The following PPP1R3A variants were observed in gnomAD, a reference collection of about 807,000 sequenced individuals.
PPP1R3A encodes the protein RG1.
A neutral mutation model predicts 41.7 loss-of-function variants in PPP1R3A; 29 were observed. The ratio of observed to expected loss-of-function variants is 0.70; its 90% CI spans 0.52 to 0.95. PPP1R3A has a LOEUF of 0.95. PPP1R3A is among the 40% of genes least tolerant of loss of function. The pLI is 0.00. For missense variants in PPP1R3A, 1,352 were observed against 1,292.4 expected (o/e 1.05, Z -0.71); for synonymous variants, 485 against 453.4 (o/e 1.07, Z -0.89).
chr7:113,883,854 A>G (rs543009217), intron 1 of PPP1R3A, among the ~76,000 whole-genome samples: 1 of 152,052 alleles, frequency 6.6e-6, no homozygotes, highest in South Asian at 2.1e-4. Context: ...CTCTAATTCA[A>G]TTCTCTAATA....
chr7:113,911,878 A>G (rs968652421), intron 1 of PPP1R3A, among the ~76,000 whole-genome samples: 5 of 152,090 alleles, frequency 3.3e-5, no homozygotes, highest in Non-Finnish European at 7.4e-5. Flanking sequence ...TTTATCACCA[A>G]TGTCATTAAT....
At position 113,878,987 on chromosome 7, in the gene PPP1R3A, A is replaced by C; in HGVS notation, c.2105T>G (p.Leu702Trp). ...TRSLKATTEELFTCQETVCCE... is the reference protein window; with the variant it reads ...TRSLKATTEEWFTCQETVCCE... The stretch of plus-strand genomic sequence containing the variant: ...GCACACTGTTTCTTGGCAGGTAAAC[A>C]ATTCTTCTGTAGTAGCTTTCAAACT... Residue 702 changes from leucine (L) to tryptophan (W), a missense_variant, in exon 4 of 4, where the codon TTG (leucine) becomes TGG (tryptophan). Coordinates refer to ENST00000284601, the MANE Select transcript of PPP1R3A (RefSeq NM_002711.4). The C allele has an allele frequency of 6.2e-7, 1 of 1,613,456 alleles. No individual in the cohort carries two copies. The highest frequency in any genetic ancestry group is 8.5e-7 in the Non-Finnish European group (1 of 1,179,816).
intron 1 of PPP1R3A, among the ~76,000 whole-genome samples, chr7:113,895,207 T>C (rs146378083): frequency 1.5e-3 from 221 of 152,098 alleles, no homozygotes; most frequent in African/African-American, 4.4e-3. Context: ...TGACAAAGAA[T>C]TTCAAATGTG....
In PPP1R3A at chr7:113,879,750, T is replaced by G. The variant is rs1253621575; in HGVS notation, c.1342A>C (p.Asn448His). Residue 448 changes from asparagine to histidine, a missense_variant, in exon 4 of 4, where the codon AAT (asparagine) becomes CAT (histidine). Transcript: ENST00000284601. ...LDDNANPAHG[N>H]GTVQIPCPSS... Reference sequence around the variant, plus strand: ...GGGCAAGGTATTTGCACTGTGCCATTGCCATGGGCTGGATTAGCATTATCA... The same window carrying G: ...GGGCAAGGTATTTGCACTGTGCCATGGCCATGGGCTGGATTAGCATTATCA... The G allele has an allele frequency of 6.2e-7, 1 of 1,613,386 alleles. No homozygotes were observed. Among genetic ancestry groups the G allele is most frequent in the Non-Finnish European group, 8.5e-7 (1 of 1,179,690 alleles).
intron 1 of PPP1R3A, among the ~76,000 whole-genome samples, chr7:113,897,033 ATGG>A (rs1268186244): frequency 6.6e-6 from 1 of 151,902 alleles, no homozygotes; most frequent in East Asian, 1.9e-4. Flanking sequence ...AAAATATGTT[ATGG>A]TATAACTTTT....
At chr7:113,911,189 T>C (rs1797238455) in intron 1 of PPP1R3A, among the ~76,000 whole-genome samples, 1 of 152,086 alleles carries the variant, frequency 6.6e-6, no homozygotes, top group South Asian at 2.1e-4. Flanking sequence ...TGTTTTCATC[T>C]TTTTATCATA....
intron 1 of PPP1R3A, among the ~76,000 whole-genome samples, chr7:113,883,517 A>G (rs1366496880): frequency 6.6e-6 from 1 of 151,978 alleles, no homozygotes; most frequent in Admixed American, 6.6e-5. Context: ...TAGTGGGCCC[A>G]CATATAGAAA....
At chr7:113,903,106 C>T (rs1348281793) in intron 1 of PPP1R3A, among the ~76,000 whole-genome samples, 1 of 151,682 alleles carries the variant, frequency 6.6e-6, no homozygotes, top group African/African-American at 2.4e-5. Context: ...CAGAAGAAAC[C>T]ATAGTAGAGT....
chr7:113,883,494 C>T (rs1796731329), intron 1 of PPP1R3A, among the ~76,000 whole-genome samples: 1 of 151,828 alleles, frequency 6.6e-6, no homozygotes, highest in Non-Finnish European at 1.5e-5. Flanking sequence ...TTACTAAAAA[C>T]ATTTGGTATT....
intron 1 of PPP1R3A, 109 bp downstream of exon 1, chr7:113,918,106 G>T: frequency 9.2e-7 from 1 of 1,082,094 alleles, no homozygotes; most frequent in Non-Finnish European, 1.3e-6. Context: ...TTTTTACATA[G>T]CAAGCAGTAT....
intron 1 of PPP1R3A, among the ~76,000 whole-genome samples, chr7:113,903,919 T>A (rs574072817): frequency 6.6e-6 from 1 of 151,838 alleles, no homozygotes; most frequent in East Asian, 2.0e-4. Context: ...TGTTCTTCTG[T>A]TCCTTCTCCA....
chr7:113,913,743 G>C (rs957396962), intron 1 of PPP1R3A, among the ~76,000 whole-genome samples: 1 of 152,138 alleles, frequency 6.6e-6, no homozygotes, highest in African/African-American at 2.4e-5. Context: ...AGGCCAGTAA[G>C]TACACAGTGT....
intron 1 of PPP1R3A, among the ~76,000 whole-genome samples, chr7:113,905,293 G>A (rs1797127340): frequency 6.6e-6 from 1 of 151,482 alleles, no homozygotes; most frequent in African/African-American, 2.4e-5. Flanking sequence ...GTTATAATAT[G>A]CCTGATAGTA....
intron 1 of PPP1R3A, among the ~76,000 whole-genome samples, chr7:113,887,507 A>G (rs1796805368): frequency 1.3e-5 from 2 of 152,118 alleles, no homozygotes; most frequent in South Asian, 4.1e-4. Context: ...AATTATAATT[A>G]CTATAAGTGA....
In PPP1R3A at chr7:113,879,106, C is replaced by T; in HGVS notation, c.1986G>A (p.Gln662=). The change falls in exon 4 of 4, where the codon CAG becomes CAA. Residue 662 remains glutamine (Q), a synonymous_variant. Transcript: ENST00000284601. The part of the protein sequence containing the change: ...HKQSWNVLES[Q]GKSRENKTNI... ...TTGTCTTATTCTCTCTTGATTTTCC[C>T]TGACTTTCCAGAACATTCCAACTTT... The T allele has an allele frequency of 6.2e-7, 1 of 1,601,480 alleles. No individual in the cohort carries two copies. Among genetic ancestry groups the T allele is most frequent in the Non-Finnish European group, 8.6e-7 (1 of 1,168,158 alleles).
rs1405211280 is a variant in PPP1R3A at position 113,878,838 on chromosome 7, T to G, written c.2254A>C (p.Ile752Leu). Residue 752 changes from isoleucine (I) to leucine (L), a missense_variant, in exon 4 of 4, where the codon ATT becomes CTT. Physicochemically the swap from Ile to Leu is conservative, Grantham distance 5. Coordinates refer to ENST00000284601, the MANE Select transcript of PPP1R3A (RefSeq NM_002711.4). ...GCTGTCTCTTGAGGTAGCTTAGCAA[T>G]TATTGCTTTTTCTCTAGCAGACATG... Reference protein sequence around the residue: ...ESMSAREKAIIAKLPQETARS... With the variant: ...ESMSAREKAILAKLPQETARS... 6.8e-6 allele frequency: 11 copies of G among 1,613,386 alleles called. No individual in the cohort carries two copies. The South Asian group carries it at 1.2e-4, about 18-fold the overall frequency.
Position 113,879,776 on chromosome 7 carries a change from T to C in PPP1R3A, c.1316A>G (p.Asp439Gly), listed in dbSNP as rs1214384132. ...QLHTGSKEVL[D>G]DNANPAHGNG... ...GCCATGGGCTGGATTAGCATTATCA[T>C]CCAGGACTTCTTTGCTGCCAGTATG... The change falls in exon 4 of 4, where the codon GAT (aspartate) becomes GGT (glycine). Residue 439 changes from aspartate (D) to glycine (G), a missense_variant. Transcript: ENST00000284601. 1 of 1,613,384 alleles carries C rather than the reference T, an allele frequency of 6.2e-7. No individual in the cohort carries two copies. The highest frequency in any genetic ancestry group is 8.5e-7 in the Non-Finnish European group (1 of 1,179,644).
intron 1 of PPP1R3A, among the ~76,000 whole-genome samples, chr7:113,900,390 G>A (rs969199466): frequency 6.6e-6 from 1 of 151,482 alleles, no homozygotes; most frequent in Non-Finnish European, 1.5e-5. Context: ...TAATGTGTTA[G>A]GAGTTTATTA....
chr7:113,891,381 T>C (rs1426615365), intron 1 of PPP1R3A, among the ~76,000 whole-genome samples: 1 of 152,112 alleles, frequency 6.6e-6, no homozygotes, highest in African/African-American at 2.4e-5. Context: ...TGTATGCTGC[T>C]TCTTTTACTC....
Sources: gnomAD v4.1 joint callset for allele counts (sites outside exome capture counted in the v4.1 genomes callset) on GRCh38, gnomAD v4.1.1 for gene constraint, MANE v1.5 for transcripts, NCBI Gene and HGNC (gene_info 2026-07-23, HGNC 2026-07-21) for gene names.